Variants in FBXL13 observed in about 807,000 individuals in gnomAD.
FBXL13 encodes F-box and leucine-rich repeat protein 13.
A neutral mutation model predicts 83.6 loss-of-function variants in FBXL13; 67 were observed. That is an observed-to-expected ratio of 0.80 (90% CI 0.66 to 0.98). The LOEUF is 0.98. FBXL13 is among the 50% of genes least tolerant of loss of function. The pLI is 0.00. For synonymous variants in FBXL13, 272 were observed against 299.5 expected, an observed-to-expected ratio of 0.91 and a Z score of 0.95; for missense variants, 822 against 866.5, an observed-to-expected ratio of 0.95 and a Z score of 0.64.
intron 8 of FBXL13, among the ~76,000 whole-genome samples, chr7:102,949,192 G>A (rs1045093893): frequency 6.6e-6 from 1 of 152,170 alleles, no homozygotes; most frequent in Non-Finnish European, 1.5e-5. Context: ...CACCAATAGA[G>A]GAACTGATCT....
At chr7:102,822,829 T>C (rs1052140279) in intron 18 of FBXL13, among the ~76,000 whole-genome samples, 1 of 152,188 alleles carries the variant, frequency 6.6e-6, no homozygotes, top group African/African-American at 2.4e-5. Flanking sequence ...TCCCAGCACT[T>C]TGGTAGGCTG....
intron 17 of FBXL13, among the ~76,000 whole-genome samples, chr7:102,834,083 A>AGG (rs59612262): frequency 0.016 from 1,441 of 88,686 alleles, 54 homozygotes; most frequent in African/African-American, 0.046. Flanking sequence ...GAAGGAAGGA[A>AGG]AGAAAAGAAA....
exon 6 of FBXL13, chr7:103,025,165 T>C (rs1434698764): frequency 6.2e-7 from 1 of 1,610,746 alleles, no homozygotes; most frequent in Non-Finnish European, 8.5e-7. Context: ...TGGATTCTTC[T>C]GCAGCAGCTC....
intron 1 of FBXL13, among the ~76,000 whole-genome samples, chr7:103,059,690 A>G (rs1797666475): frequency 6.6e-6 from 1 of 152,110 alleles, no homozygotes; most frequent in Non-Finnish European, 1.5e-5. Context: ...CCCTACACTC[A>G]GTTCCCAATA....
intron 1 of FBXL13, among the ~76,000 whole-genome samples, chr7:103,059,924 G>A (rs999277819): frequency 6.0e-5 from 9 of 148,916 alleles, no homozygotes; most frequent in African/African-American, 2.2e-4. Context: ...GATAATAAAG[G>A]TTCATACGCT....
intron 16 of FBXL13, among the ~76,000 whole-genome samples, chr7:102,867,227 A>G (rs111910516): frequency 3.3e-5 from 5 of 151,918 alleles, no homozygotes; most frequent in African/African-American, 1.2e-4. Context: ...TCATGATGGT[A>G]TGTGCCTGTA....
intron 8 of FBXL13, among the ~76,000 whole-genome samples, chr7:102,952,440 A>C (rs1194445352): frequency 1.3e-5 from 2 of 152,236 alleles, no homozygotes; most frequent in Non-Finnish European, 2.9e-5. Flanking sequence ...ACCTAGACTG[A>C]CCAGGAAAAC....
chr7:102,908,246 ATT>A (rs2129467923), intron 11 of FBXL13, among the ~76,000 whole-genome samples: 1 of 152,190 alleles, frequency 6.6e-6, no homozygotes, highest in South Asian at 2.1e-4. Flanking sequence ...CAGCTCCAGA[ATT>A]TGTTTCTTTT....
intron 11 of FBXL13, among the ~76,000 whole-genome samples, chr7:102,903,939 C>CTTTTTTTTTTTTTTTTTTTTTTT (rs1166655004): frequency 1.2e-4 from 5 of 43,454 alleles, no homozygotes; most frequent in Admixed American, 2.4e-4. Flanking sequence ...CTTTTCTTTT[C>CTTTTTTTTTTTTTTTTTTTTTTT]TTTTTTTTTT....
intron 2 of FBXL13, among the ~76,000 whole-genome samples, chr7:103,044,213 C>G (rs902266912): frequency 1.3e-5 from 2 of 152,094 alleles, no homozygotes; most frequent in African/African-American, 4.8e-5. Context: ...GACAAATTAC[C>G]CGTTTCCTTC....
intron 18 of FBXL13, 148 bp downstream of exon 19, chr7:102,832,692 C>T: frequency 1.0e-6 from 1 of 960,116 alleles, no homozygotes; most frequent in Non-Finnish European, 1.4e-6. Context: ...TAAGCTATTT[C>T]CAATTTGAGG....
In FBXL13 at chr7:102,966,573, G is replaced by T. The variant is rs137859284; in HGVS notation, c.591+1449C>A. Among the ~76,000 whole-genome samples, 568 of 152,202 alleles carry T rather than the reference G, an allele frequency of 3.7e-3. 5 individuals are homozygous for T. The highest frequency in any genetic ancestry group is 0.014 in the African/African-American group (561 of 41,522). ...GGCAGGAGTTAGAAAAAGCCAACAC[G>T]TCTGCCCAGAGATCTCACTAGATAA... On this transcript the variant is annotated intron_variant, in intron 7 of 19. Transcript: ENST00000313221.
intron 8 of FBXL13, among the ~76,000 whole-genome samples, chr7:102,951,342 C>G (rs1193250890): frequency 7.0e-6 from 1 of 143,270 alleles, no homozygotes; most frequent in Admixed American, 7.3e-5. Flanking sequence ...TGTCACTGCA[C>G]TCCAGCCTGG....
chr7:102,991,403 G>C (rs1370218449), intron 6 of FBXL13, among the ~76,000 whole-genome samples: 3 of 152,220 alleles, frequency 2.0e-5, no homozygotes, highest in Non-Finnish European at 4.4e-5. Flanking sequence ...GTTTAAAGCA[G>C]TTTTTGAGTG....
At chr7:102,838,458 A>AT (rs548242145) in intron 17 of FBXL13, among the ~76,000 whole-genome samples, 9 of 150,396 alleles carry the variant, frequency 6.0e-5, no homozygotes, top group East Asian at 5.9e-4. Flanking sequence ...TAAAAAAAAA[A>AT]TTTTTTTTTT....
At chr7:102,843,669 C>T (rs1803406789) in intron 17 of FBXL13, among the ~76,000 whole-genome samples, 1 of 151,514 alleles carries the variant, frequency 6.6e-6, no homozygotes, top group East Asian at 1.9e-4. Flanking sequence ...CCAGCTACTC[C>T]AGAGGTTGAG....
chr7:102,883,746 G>T, intron 12 of FBXL13, 61 bp from the exon 14 acceptor site: 2 of 1,036,024 alleles, frequency 1.9e-6, no homozygotes, highest in Non-Finnish European at 2.9e-6. Flanking sequence ...GCAAGGTAAT[G>T]AAGTCACTTT....
chr7:102,947,465 T>A lies in FBXL13; in HGVS notation c.725-15532A>T, dbSNP rs187697003. 4.7e-3 allele frequency among the ~76,000 whole-genome samples: 722 copies of A among 152,314 alleles called. 6 individuals are homozygous for A. The highest frequency in any genetic ancestry group is 0.016 in the African/African-American group (682 of 41,564). ...GGCCATCCAAAAGTAAGTCAGTAGGTATTGCTAACATCTCTCAGGGTCAAG... is the reference window on the plus strand; with the variant it reads ...GGCCATCCAAAAGTAAGTCAGTAGGAATTGCTAACATCTCTCAGGGTCAAG... On this transcript the variant is annotated intron_variant, in intron 8 of 19. Transcript: ENST00000313221.
chr7:102,848,363 T>C (rs1433887213), intron 17 of FBXL13, among the ~76,000 whole-genome samples: 2 of 50,664 alleles, frequency 3.9e-5, no homozygotes. Context: ...GAGACCATCC[T>C]GGCTAACACG....
Sources: gnomAD v4.1 joint callset for allele counts (sites outside exome capture counted in the v4.1 genomes callset) on GRCh38, gnomAD v4.1.1 for gene constraint, MANE v1.5 for transcripts, NCBI Gene and HGNC (gene_info 2026-07-23, HGNC 2026-07-21) for gene names.